THSD7B: variants seen among roughly 807,000 people sequenced by gnomAD.
THSD7B encodes thrombospondin type 1 domain containing 7B.
THSD7B carries 138 observed loss-of-function variants against 213.6 expected under a neutral mutation model. The ratio of observed to expected loss-of-function variants is 0.65; its 90% CI spans 0.56 to 0.74. The LOEUF (loss-of-function observed/expected upper bound fraction) is 0.74, where lower values mean the gene tolerates loss of function less well. Among genes scored for constraint, THSD7B ranks in the 30% least tolerant of loss-of-function variants. The probability of loss-of-function intolerance (pLI) is 0.00; values close to 1 mark genes in which losing one functional copy is unlikely to be tolerated. For synonymous variants in THSD7B, 742 were observed against 687.0 expected, an observed-to-expected ratio of 1.08 and a Z score of -1.25; for missense variants, 1,931 against 1,991.5, an observed-to-expected ratio of 0.97 and a Z score of 0.58.
chr2:137,358,009 C>T (rs1685171730), intron 12 of THSD7B, among the ~76,000 whole-genome samples: 1 of 152,198 alleles, frequency 6.6e-6, no homozygotes, highest in Admixed American at 6.6e-5. Flanking sequence ...TTTCTCCTAC[C>T]TTGCCTAACA....
chr2:137,494,389 T>C (rs1487643651), intron 15 of THSD7B, among the ~76,000 whole-genome samples: 1 of 152,162 alleles, frequency 6.6e-6, no homozygotes, highest in African/African-American at 2.4e-5. Flanking sequence ...TTAGCATTTA[T>C]TGCCAGATTT....
chr2:137,477,318 A>C (rs1270143295), intron 15 of THSD7B, among the ~76,000 whole-genome samples: 1 of 152,146 alleles, frequency 6.6e-6, no homozygotes, highest in Non-Finnish European at 1.5e-5. Context: ...CCTTATGTGA[A>C]GATAGCTACT....
At chr2:137,041,795 G>C (rs988757139) in intron 2 of THSD7B, among the ~76,000 whole-genome samples, 1 of 151,962 alleles carries the variant, frequency 6.6e-6, no homozygotes, top group African/African-American at 2.4e-5. Context: ...TCTAAAATTG[G>C]AAGCAATGAT....
chr2:137,077,676 G>GT (rs1043653033), intron 3 of THSD7B, among the ~76,000 whole-genome samples: 6 of 151,506 alleles, frequency 4.0e-5, no homozygotes, highest in African/African-American at 7.3e-5. Flanking sequence ...GGGGTTGTTT[G>GT]TTTTTTTCTT....
At chr2:137,164,335 A>T (rs1680079505) in intron 6 of THSD7B, among the ~76,000 whole-genome samples, 1 of 152,178 alleles carries the variant, frequency 6.6e-6, no homozygotes, top group South Asian at 2.1e-4. Flanking sequence ...ATGAGATACC[A>T]TCTCACGCCA....
intron 15 of THSD7B, among the ~76,000 whole-genome samples, chr2:137,486,992 C>T (rs1477817589): frequency 6.6e-6 from 1 of 151,862 alleles, no homozygotes; most frequent in Admixed American, 6.6e-5. Flanking sequence ...ACATTCAAAG[C>T]AGTGTGTAGA....
At chr2:136,891,104 T>G (rs1683848557) in intron 2 of THSD7B, among the ~76,000 whole-genome samples, 1 of 152,090 alleles carries the variant, frequency 6.6e-6, no homozygotes, top group Non-Finnish European at 1.5e-5. Context: ...GTTCTATGAT[T>G]TTTTTAAATT....
intron 2 of THSD7B, among the ~76,000 whole-genome samples, chr2:137,029,707 C>A (rs896695600): frequency 6.6e-6 from 1 of 152,006 alleles, no homozygotes; most frequent in Non-Finnish European, 1.5e-5. Context: ...TAGTTCATTG[C>A]GGGATTTCTC....
intron 1 of THSD7B, among the ~76,000 whole-genome samples, chr2:136,876,082 G>T (rs546850888): frequency 1.2e-3 from 181 of 152,096 alleles, no homozygotes; most frequent in Non-Finnish European, 1.1e-3. Flanking sequence ...AAGTCATCTT[G>T]TATACCCTGG....
At chr2:137,393,936 T>C (rs1324553472) in intron 12 of THSD7B, among the ~76,000 whole-genome samples, 3 of 139,400 alleles carry the variant, frequency 2.2e-5, no homozygotes, top group Admixed American at 2.1e-4. Context: ...TTTTCATATG[T>C]TTTTTGGCTG....
chr2:137,637,973 G>A (rs1263173761), intron 20 of THSD7B, among the ~76,000 whole-genome samples: 1 of 152,190 alleles, frequency 6.6e-6, no homozygotes, highest in Non-Finnish European at 1.5e-5. Context: ...GAGTATTTAA[G>A]CAAAAATTAA....
At chr2:137,045,961 A>G (rs948357794) in intron 2 of THSD7B, among the ~76,000 whole-genome samples, 2 of 152,152 alleles carry the variant, frequency 1.3e-5, no homozygotes, top group African/African-American at 2.4e-5. Context: ...ACAGGTTTCT[A>G]CCTACAATCA....
At chr2:137,114,920 T>C (rs1469817) in intron 4 of THSD7B, among the ~76,000 whole-genome samples, 1,838 of 152,244 alleles carry the variant, frequency 0.012, 42 homozygotes, top group African/African-American at 0.041. Context: ...TGTGCTATTG[T>C]CATGATGGGC....
rs923546391 is a variant in THSD7B, at chr2:137,085,927, C to T, written c.951-8946C>T. On this transcript the variant is annotated intron_variant, in intron 3 of 27. Transcript: ENST00000409968. ...GAAAATATATTTGTATTATATAAAA[C>T]CACCAACAGACTACTCTTCAGAATC... Among the ~76,000 whole-genome samples, 10 of 152,252 alleles carry T rather than the reference C, an allele frequency of 6.6e-5. No homozygotes were observed. In the East Asian group the frequency reaches 7.7e-4, roughly 12 times the overall value.
chr2:137,309,790 A>G (rs1683847769), intron 12 of THSD7B, among the ~76,000 whole-genome samples: 1 of 152,028 alleles, frequency 6.6e-6, no homozygotes, highest in Non-Finnish European at 1.5e-5. Flanking sequence ...GTTTACTGAG[A>G]ATGATGATTT....
chr2:136,886,321 G>T (rs1488681935), intron 2 of THSD7B, among the ~76,000 whole-genome samples: 6 of 152,100 alleles, frequency 3.9e-5, no homozygotes, highest in African/African-American at 1.4e-4. Context: ...GATCCTTGTG[G>T]GTGGCTGGCT....
chr2:136,844,142 G>A (rs763163261), intron 1 of THSD7B, among the ~76,000 whole-genome samples: 6 of 151,964 alleles, frequency 3.9e-5, no homozygotes, highest in Non-Finnish European at 8.8e-5. Flanking sequence ...TTTATTAGTC[G>A]GGATCCAGTC....
chr2:137,284,136 A>T (rs1402997462), intron 12 of THSD7B, among the ~76,000 whole-genome samples: 2 of 152,194 alleles, frequency 1.3e-5, no homozygotes, highest in East Asian at 3.9e-4. Context: ...GGGAGAGTGT[A>T]TGTGTCAAGG....
intron 21 of THSD7B, among the ~76,000 whole-genome samples, chr2:137,645,680 A>T (rs925266917): frequency 1.3e-5 from 2 of 152,186 alleles, no homozygotes; most frequent in Admixed American, 6.5e-5. Context: ...TGTAAAAAAA[A>T]AAAAAACCAC....
Sources: allele counts gnomAD v4.1 joint callset (sites outside exome capture counted in the v4.1 genomes callset), GRCh38; gene constraint gnomAD v4.1.1; transcripts MANE v1.5; gene names NCBI Gene and HGNC (gene_info 2026-07-23, HGNC 2026-07-21).